The following USP34 variants were observed in gnomAD, a reference collection of about 807,000 sequenced individuals.
The protein encoded by USP34 is ubiquitin carboxyl-terminal hydrolase 34.
A neutral mutation model predicts 460.3 loss-of-function variants in USP34; 70 were observed. The ratio of observed to expected loss-of-function variants is 0.15; its 90% CI spans 0.13 to 0.19. USP34 has a LOEUF of 0.19. Among genes scored for constraint, USP34 ranks in the 10% least tolerant of loss-of-function variants. The pLI, the probability that USP34 is intolerant of heterozygous loss-of-function variation, is 1.00. For missense variants in USP34, 3,985 were observed against 4,236.2 expected (o/e 0.94, Z 1.65); for synonymous variants, 1,647 against 1,405.3 (o/e 1.17, Z -3.85).
intron 43 of USP34, 86 bp downstream of exon 43, chr2:61,265,311 C>T: frequency 1.4e-6 from 2 of 1,411,460 alleles, no homozygotes; most frequent in Non-Finnish European, 1.9e-6. Flanking sequence ...TTTTTTCAAA[C>T]ATTTACTACA....
chr2:61,445,262 C>G (rs375612027), intron 1 of USP34, among the ~76,000 whole-genome samples: 13,507 of 148,244 alleles, frequency 0.091, 861 homozygotes, highest in Non-Finnish European at 0.14. Flanking sequence ...CTGGCCGGGC[C>G]CGGTGGCTCA....
chr2:61,265,083 AT>A (rs780902965), intron 43 of USP34, among the ~76,000 whole-genome samples: 8 of 152,086 alleles, frequency 5.3e-5, no homozygotes, highest in African/African-American at 1.4e-4. Context: ...GTATTTATTT[AT>A]TTTTGTTTTT....
intron 4 of USP34, 76 bp from the exon 5 acceptor site, chr2:61,395,078 C>A: frequency 6.8e-7 from 1 of 1,472,756 alleles, no homozygotes; most frequent in Non-Finnish European, 9.1e-7. Flanking sequence ...TGGAAAGATA[C>A]TGATGAGAAA....
At chr2:61,318,042 A>T (rs994925056) in intron 22 of USP34, among the ~76,000 whole-genome samples, 3 of 151,930 alleles carry the variant, frequency 2.0e-5, no homozygotes, top group Admixed American at 2.0e-4. Context: ...AAACTACAAA[A>T]ATCAGCCGGG....
chr2:61,244,608 C>T (rs886410237), intron 51 of USP34, among the ~76,000 whole-genome samples: 9 of 138,872 alleles, frequency 6.5e-5, no homozygotes, highest in Admixed American at 1.6e-4. Context: ...AGCAAGAATC[C>T]GACTTGGGGG....
At chr2:61,347,132 C>G (rs921131627) in intron 15 of USP34, among the ~76,000 whole-genome samples, 1 of 151,668 alleles carries the variant, frequency 6.6e-6, no homozygotes, top group Non-Finnish European at 1.5e-5. Flanking sequence ...AGAGCGAGAC[C>G]CTGTCTCAAA....
chr2:61,418,349 G>C (rs1427671962), intron 2 of USP34, among the ~76,000 whole-genome samples: 1 of 152,092 alleles, frequency 6.6e-6, no homozygotes, highest in Non-Finnish European at 1.5e-5. Context: ...CAAAGTGCTG[G>C]GATTACATGC....
chr2:61,349,805 C>A (rs1031644713), intron 12 of USP34, among the ~76,000 whole-genome samples: 18 of 151,976 alleles, frequency 1.2e-4, no homozygotes, highest in African/African-American at 4.4e-4. Flanking sequence ...AGCACCACTG[C>A]ACTCCAGCTT....
At chr2:61,365,150 G>A (rs1692392473) in intron 10 of USP34, among the ~76,000 whole-genome samples, 3 of 151,606 alleles carry the variant, frequency 2.0e-5, no homozygotes, top group Non-Finnish European at 4.4e-5. Flanking sequence ...TACTCAGGAG[G>A]CTGAGGCAGG....
chr2:61,190,420 AAAG>A lies in USP34; in HGVS notation c.9730-9_9730-7del, dbSNP rs779497280. 1.8e-5 allele frequency: 29 copies of A among 1,600,060 alleles called. No individual in the cohort carries two copies. Among genetic ancestry groups the A allele is most frequent in the South Asian group, 5.7e-5 (5 of 88,154 alleles). ...GAAAACACTTGACTTTGAACCTGAA[AAAG>A]AAGATTTAAAAAAATCTCCAAAAGA... On this transcript the variant is annotated splice_polypyrimidine_tract_variant and splice_region_variant and intron_variant, in intron 77 of 79. Transcript: ENST00000398571.
chr2:61,355,442 A>G (rs1692073491), intron 10 of USP34, among the ~76,000 whole-genome samples: 1 of 152,232 alleles, frequency 6.6e-6, no homozygotes, highest in Non-Finnish European at 1.5e-5. Flanking sequence ...TTGTGACAGT[A>G]GTAATAAAAA....
chr2:61,305,102 G>A (rs1572917447), intron 27 of USP34, among the ~76,000 whole-genome samples: 1 of 152,136 alleles, frequency 6.6e-6, no homozygotes, highest in Admixed American at 6.5e-5. Flanking sequence ...GAGGTGGGCC[G>A]ATCATGAGGT....
At chr2:61,219,619 T>C (rs1687500042) in intron 67 of USP34, among the ~76,000 whole-genome samples, 1 of 149,024 alleles carries the variant, frequency 6.7e-6, no homozygotes, top group South Asian at 2.1e-4. Context: ...TGCAGTGTGC[T>C]GAGACTGCAC....
intron 7 of USP34, among the ~76,000 whole-genome samples, chr2:61,378,929 A>AAAAAAAAAAAAAAAAT (rs1692884285): frequency 6.7e-6 from 1 of 149,140 alleles, no homozygotes. Context: ...AAAAAAAAAA[A>AAAAAAAAAAAAAAAAT]AAAAAAAACA....
chr2:61,303,351 C>G (rs1572915543), intron 27 of USP34, among the ~76,000 whole-genome samples: 1 of 152,096 alleles, frequency 6.6e-6, no homozygotes, highest in East Asian at 1.9e-4. Context: ...CAGCCATGAG[C>G]CACCACGGCC....
intron 2 of USP34, among the ~76,000 whole-genome samples, chr2:61,409,345 C>G (rs931027568): frequency 2.0e-5 from 3 of 152,042 alleles, no homozygotes; most frequent in Admixed American, 2.0e-4. Context: ...AAAATGGAAT[C>G]TGAAAACCCA....
intron 58 of USP34, among the ~76,000 whole-genome samples, chr2:61,230,844 CAA>C (rs11398421): frequency 1.6e-5 from 2 of 124,720 alleles, no homozygotes. Context: ...AACTCCGTCT[CAA>C]AAAAAAAAAA....
intron 8 of USP34, among the ~76,000 whole-genome samples, chr2:61,376,622 A>T (rs1274920663): frequency 6.6e-6 from 1 of 152,048 alleles, no homozygotes; most frequent in African/African-American, 2.4e-5. Context: ...TGAAAATGAA[A>T]ATCCAGAGCT....
chr2:61,322,186 C>T (rs778060947), intron 21 of USP34, among the ~76,000 whole-genome samples: 2 of 152,154 alleles, frequency 1.3e-5, no homozygotes, highest in East Asian at 1.9e-4. Context: ...GCCAAGATCA[C>T]GCCAATGTAC....
Sources: allele counts gnomAD v4.1 joint callset (sites outside exome capture counted in the v4.1 genomes callset), GRCh38; gene constraint gnomAD v4.1.1; transcripts MANE v1.5; gene names NCBI Gene and HGNC (gene_info 2026-07-23, HGNC 2026-07-21).